NPAS3: variants seen among roughly 807,000 people sequenced by gnomAD.
The protein encoded by NPAS3 is neuronal PAS domain-containing protein 3.
NPAS3 carries 14 observed loss-of-function variants against 73.1 expected under a neutral mutation model. The ratio of observed to expected loss-of-function variants is 0.19; its 90% confidence interval spans 0.13 to 0.30. The LOEUF is 0.30. NPAS3 is among the 10% of genes least tolerant of loss of function. The probability of loss-of-function intolerance (pLI) is 1.00; values close to 1 mark genes in which losing one functional copy is unlikely to be tolerated. For missense variants in NPAS3, 1,096 were observed against 1,250.0 expected (o/e 0.88, Z 1.86); for synonymous variants, 620 against 541.5 (o/e 1.14, Z -2.01).
At chr14:33,720,883 T>G (rs956884) in intron 6 of NPAS3, among the ~76,000 whole-genome samples, 61,566 of 151,852 alleles carry the variant, frequency 0.41, 14,573 homozygotes, top group Non-Finnish European at 0.54. Flanking sequence ...ATCTTCAGAC[T>G]TCAGGAAAAA....
At chr14:33,299,278 A>G (rs150446344) in intron 3 of NPAS3, among the ~76,000 whole-genome samples, 76 of 152,280 alleles carry the variant, frequency 5.0e-4, no homozygotes, top group African/African-American at 1.6e-3. Context: ...AGTTATTTCC[A>G]TGGGAATGGG....
intron 5 of NPAS3, among the ~76,000 whole-genome samples, chr14:33,654,176 C>T (rs1299358305): frequency 4.0e-5 from 4 of 100,962 alleles, no homozygotes; most frequent in African/African-American, 1.8e-4. Context: ...CAATCCTGTG[C>T]CATTTTTTTT....
chr14:33,348,493 T>A (rs1170713181), intron 3 of NPAS3, among the ~76,000 whole-genome samples: 1 of 152,190 alleles, frequency 6.6e-6, no homozygotes, highest in Non-Finnish European at 1.5e-5. Flanking sequence ...AACCCCTCAT[T>A]TGGAAACTAT....
At chr14:33,652,739 G>A (rs951369226) in intron 5 of NPAS3, among the ~76,000 whole-genome samples, 24 of 152,166 alleles carry the variant, frequency 1.6e-4, no homozygotes, top group Admixed American at 1.4e-3. Context: ...GTCCGAACAC[G>A]AGGGGAAGCT....
chr14:33,379,910 T>C (rs1391379871), intron 4 of NPAS3, among the ~76,000 whole-genome samples: 1 of 152,036 alleles, frequency 6.6e-6, no homozygotes, highest in East Asian at 1.9e-4. Context: ...ATGTCACATC[T>C]GTATTCTACT....
chr14:32,946,798 A>G (rs1401629878), intron 1 of NPAS3, among the ~76,000 whole-genome samples: 1 of 152,216 alleles, frequency 6.6e-6, no homozygotes, highest in East Asian at 1.9e-4. Flanking sequence ...CTTAAAATTT[A>G]AAGGGATATT....
chr14:33,154,045 C>T (rs1179217376), intron 2 of NPAS3, among the ~76,000 whole-genome samples: 2 of 152,160 alleles, frequency 1.3e-5, no homozygotes, highest in African/African-American at 4.8e-5. Context: ...ATTTAGAACT[C>T]TTTGTTGTAC....
At position 33,295,729 on chromosome 14, in the gene NPAS3, A is replaced by G. The variant is rs532773064; in HGVS notation, c.386-71457A>G. Reference sequence around the variant, plus strand: ...TATTTTAATGCAGAGGTATTTATAGAGTCCATAAGGAGTTATATCGGTTCA... The same window carrying G: ...TATTTTAATGCAGAGGTATTTATAGGGTCCATAAGGAGTTATATCGGTTCA... On this transcript the variant is annotated intron_variant, in intron 3 of 11. Transcript: ENST00000356141. 2.6e-5 allele frequency among the ~76,000 whole-genome samples: 4 copies of G among 152,352 alleles called. No individual in the cohort carries two copies. The East Asian group carries it at 7.7e-4, about 29-fold the overall frequency.
At chr14:33,271,914 T>C (rs79389744) in intron 3 of NPAS3, among the ~76,000 whole-genome samples, 3,179 of 151,922 alleles carry the variant, frequency 0.021, 46 homozygotes, top group Admixed American at 0.046. Context: ...AAAGAGAAAG[T>C]AGAAAAAAAA....
At chr14:33,482,814 A>G (rs2051395065) in intron 4 of NPAS3, among the ~76,000 whole-genome samples, 2 of 152,154 alleles carry the variant, frequency 1.3e-5, no homozygotes, top group Non-Finnish European at 2.9e-5. Context: ...GAGGTGCCGT[A>G]TCTGCCTTTC....
chr14:33,150,723 T>C (rs2044415009), intron 2 of NPAS3, among the ~76,000 whole-genome samples: 3 of 152,246 alleles, frequency 2.0e-5, no homozygotes, highest in Non-Finnish European at 2.9e-5. Context: ...GATTTCTCCG[T>C]AATCATGCTG....
At chr14:33,196,581 G>A (rs28552425) in intron 2 of NPAS3, among the ~76,000 whole-genome samples, 31,998 of 152,006 alleles carry the variant, frequency 0.21, 3,778 homozygotes, top group South Asian at 0.38. Context: ...CCTCCTCACC[G>A]AAATCTCCGC....
At chr14:33,140,599 A>T (rs1310240123) in intron 2 of NPAS3, among the ~76,000 whole-genome samples, 2 of 152,106 alleles carry the variant, frequency 1.3e-5, no homozygotes, top group Admixed American at 1.3e-4. Context: ...TCACCGTGTC[A>T]TTTCCCTTTC....
intron 5 of NPAS3, among the ~76,000 whole-genome samples, chr14:33,616,717 T>C (rs769529699): frequency 2.0e-5 from 3 of 152,166 alleles, no homozygotes; most frequent in Non-Finnish European, 4.4e-5. Flanking sequence ...TGTGACATGA[T>C]TTGCAGGTGG....
chr14:33,699,557 A>G (rs2060474301), intron 6 of NPAS3, among the ~76,000 whole-genome samples: 1 of 152,156 alleles, frequency 6.6e-6, no homozygotes, highest in Admixed American at 6.5e-5. Flanking sequence ...CAGCCCTGTA[A>G]CCTCTGGCAA....
chr14:33,605,410 A>AC (rs1555421138), intron 5 of NPAS3, among the ~76,000 whole-genome samples: 1 of 145,430 alleles, frequency 6.9e-6, no homozygotes, highest in East Asian at 2.0e-4. Flanking sequence ...AAAAAAAAAA[A>AC]CACAAACCTT....
intron 1 of NPAS3, among the ~76,000 whole-genome samples, chr14:32,944,237 CT>C (rs534763027): frequency 9.4e-4 from 143 of 152,258 alleles, no homozygotes; most frequent in East Asian, 3.7e-3. Flanking sequence ...TACACAGTCA[CT>C]TTTTCTGCGT....
chr14:32,955,841 T>C (rs542217754), intron 1 of NPAS3, among the ~76,000 whole-genome samples: 1 of 152,248 alleles, frequency 6.6e-6, no homozygotes, highest in South Asian at 2.1e-4. Flanking sequence ...AAAAAGAAAT[T>C]AATAGAGAAA....
intron 7 of NPAS3, among the ~76,000 whole-genome samples, chr14:33,743,839 A>G (rs1165011363): frequency 1.3e-5 from 2 of 152,200 alleles, no homozygotes; most frequent in Non-Finnish European, 2.9e-5. Flanking sequence ...CTTTTATGTT[A>G]TGGAGATGGC....
Sources: gnomAD v4.1 joint callset for allele counts (sites outside exome capture counted in the v4.1 genomes callset) on GRCh38, gnomAD v4.1.1 for gene constraint, MANE v1.5 for transcripts, NCBI Gene and HGNC (gene_info 2026-07-23, HGNC 2026-07-21) for gene names.